VSTM2L: variants seen among roughly 807,000 people sequenced by gnomAD.
VSTM2L encodes V-set and transmembrane domain containing 2 like, also known as V-set and transmembrane domain-containing protein 2-like protein.
VSTM2L carries 9 observed loss-of-function variants against 19.9 expected under a neutral mutation model. The observed-to-expected ratio is 0.45, with a 90% confidence interval of 0.27 to 0.79. VSTM2L has a LOEUF of 0.79. Among genes scored for constraint, VSTM2L ranks in the 30% least tolerant of loss-of-function variants. VSTM2L has a pLI of 0.15. For synonymous variants in VSTM2L, 127 were observed against 133.8 expected (o/e 0.95, Z 0.35); for missense variants, 286 against 295.5 (o/e 0.97, Z 0.24).
intron 1 of VSTM2L, among the ~76,000 whole-genome samples, chr20:37,931,037 C>T (rs1437073848): frequency 3.9e-5 from 6 of 152,068 alleles, no homozygotes; most frequent in African/African-American, 2.4e-5. Flanking sequence ...AAGGGCATTC[C>T]AGAAGGAGAA....
At chr20:37,908,030 T>C (rs925162968) in intron 1 of VSTM2L, among the ~76,000 whole-genome samples, 31 of 152,196 alleles carry the variant, frequency 2.0e-4, no homozygotes, top group African/African-American at 7.5e-4. Flanking sequence ...GTCTCGGGCG[T>C]TGGTGATTAT....
intron 1 of VSTM2L, among the ~76,000 whole-genome samples, chr20:37,921,400 C>T (rs532487216): frequency 1.3e-5 from 2 of 152,266 alleles, no homozygotes; most frequent in South Asian, 2.1e-4. Context: ...GGCCCAAGTA[C>T]GGGAGCTTCC....
intron 1 of VSTM2L, among the ~76,000 whole-genome samples, chr20:37,907,746 C>G (rs2072758716): frequency 6.6e-6 from 1 of 152,166 alleles, no homozygotes; most frequent in Non-Finnish European, 1.5e-5. Flanking sequence ...GACAAAGATC[C>G]TGGCTTGGCC....
intron 1 of VSTM2L, among the ~76,000 whole-genome samples, chr20:37,916,510 G>A (rs2072819445): frequency 2.0e-5 from 3 of 152,248 alleles, no homozygotes; most frequent in Admixed American, 2.0e-4. Flanking sequence ...TTCTACTGCT[G>A]TCTACCTCAA....
intron 1 of VSTM2L, among the ~76,000 whole-genome samples, chr20:37,917,385 T>C (rs1014603713): frequency 3.9e-5 from 6 of 152,116 alleles, no homozygotes; most frequent in Admixed American, 2.6e-4. Context: ...CGGCCCCTCC[T>C]CCATCGGCCA....
At chr20:37,903,500 T>C (rs2072733383) in intron 1 of VSTM2L, 29 bp downstream of exon 1, 1 of 1,458,238 alleles carries the variant, frequency 6.9e-7, no homozygotes, top group Non-Finnish European at 9.0e-7. Context: ...CCCGCGGACT[T>C]CCCCACCAAA....
chr20:37,941,869 A>C (rs1344501818), intron 3 of VSTM2L, among the ~76,000 whole-genome samples: 6 of 140,258 alleles, frequency 4.3e-5, no homozygotes, highest in African/African-American at 7.9e-5. Flanking sequence ...TCCCACCACC[A>C]CCACCCCTCT....
intron 1 of VSTM2L, among the ~76,000 whole-genome samples, chr20:37,925,450 C>T (rs531230213): frequency 2.0e-5 from 3 of 152,270 alleles, no homozygotes; most frequent in African/African-American, 7.2e-5. Context: ...AAACAGGCTC[C>T]GTCCTCCATC....
intron 2 of VSTM2L, 69 bp downstream of exon 2, chr20:37,931,873 C>T: frequency 6.6e-7 from 1 of 1,506,578 alleles, no homozygotes; most frequent in Non-Finnish European, 8.9e-7. Flanking sequence ...GGGTATTTCT[C>T]TGCCCCTCTT....
chr20:37,922,730 G>T (rs1050171430), intron 1 of VSTM2L, among the ~76,000 whole-genome samples: 3 of 152,158 alleles, frequency 2.0e-5, no homozygotes, highest in African/African-American at 7.2e-5. Context: ...TGGACCAGGG[G>T]GTCTGGGATG....
At chr20:37,933,389 G>T in intron 2 of VSTM2L, 150 bp from the exon 3 acceptor site, 2 of 637,494 alleles carry the variant, frequency 3.1e-6, no homozygotes, top group South Asian at 2.1e-5. Flanking sequence ...CCCAACTCCA[G>T]ACTCCATGGC....
intron 1 of VSTM2L, among the ~76,000 whole-genome samples, 188 bp downstream of exon 1, chr20:37,903,659 C>T (rs949597058): frequency 1.7e-4 from 26 of 152,194 alleles, no homozygotes; most frequent in African/African-American, 5.5e-4. Flanking sequence ...CCGGGGCGCA[C>T]CCCCGAACCT....
intron 3 of VSTM2L, among the ~76,000 whole-genome samples, chr20:37,936,680 G>T (rs2072942468): frequency 6.6e-6 from 1 of 152,132 alleles, no homozygotes; most frequent in African/African-American, 2.4e-5. Context: ...TGAGGACACA[G>T]TGGGGCCAGC....
chr20:37,906,859 C>T (rs746918424), intron 1 of VSTM2L, among the ~76,000 whole-genome samples: 1 of 152,140 alleles, frequency 6.6e-6, no homozygotes, highest in African/African-American at 2.4e-5. Context: ...GCTGAGGATA[C>T]CTGTAGGTTA....
In VSTM2L at chr20:37,903,403, T is replaced by C; in HGVS notation, c.53T>C (p.Phe18Ser). 1.3e-6 allele frequency: 2 copies of C among 1,491,010 alleles called. No homozygotes were observed. Among genetic ancestry groups the C allele is most frequent in the South Asian group, 2.5e-5 (2 of 79,720 alleles). The allele number at this position is 1,491,010 out of a possible 1,614,324, so 92.4% of individuals were successfully genotyped here. Residue 18 changes from phenylalanine to serine, a missense_variant, in exon 1 of 4, where the codon TTC becomes TCC. Physicochemically the swap from Phe to Ser is radical, Grantham distance 155. Transcript: ENST00000373461. The part of the protein sequence containing the change: ...ALGALHYLAL[F>S]LQLGGATRPA... ...GGCGCCCTCCACTACCTGGCACTTT[T>C]CCTGCAACTCGGCGGCGCCACGCGG...
At chr20:37,904,848 A>T (rs1162707448) in intron 1 of VSTM2L, among the ~76,000 whole-genome samples, 1 of 152,160 alleles carries the variant, frequency 6.6e-6, no homozygotes, top group Non-Finnish European at 1.5e-5. Flanking sequence ...TTTGGGAACC[A>T]TGACTCCCCG....
intron 1 of VSTM2L, among the ~76,000 whole-genome samples, chr20:37,927,713 G>A (rs534453450): frequency 4.7e-4 from 72 of 152,296 alleles, no homozygotes; most frequent in African/African-American, 1.7e-3. Flanking sequence ...GGGGCGGGGG[G>A]GCCGTGGGCA....
intron 1 of VSTM2L, among the ~76,000 whole-genome samples, chr20:37,905,605 C>T (rs2072747679): frequency 6.6e-6 from 1 of 152,120 alleles, no homozygotes. Context: ...CCGTGTGGCT[C>T]TGGGCAAGTG....
At chr20:37,933,612 C>G in intron 3 of VSTM2L, 23 bp downstream of exon 3, 1 of 1,613,160 alleles carries the variant, frequency 6.2e-7, no homozygotes, top group Non-Finnish European at 8.5e-7. Context: ...AATGACTTCT[C>G]GAAAGGGCTC....
Sources: allele counts gnomAD v4.1 joint callset (sites outside exome capture counted in the v4.1 genomes callset), GRCh38; gene constraint gnomAD v4.1.1; transcripts MANE v1.5; gene names NCBI Gene and HGNC (gene_info 2026-07-23, HGNC 2026-07-21).